Variants in TVP23A observed in about 807,000 individuals in gnomAD.
TVP23A encodes the protein trans-golgi network vesicle protein 23 homolog A.
Under a neutral mutation model 31.7 loss-of-function variants are expected in TVP23A, and 21 were observed. The observed-to-expected ratio is 0.66, with a 90% CI of 0.47 to 0.95. The LOEUF (loss-of-function observed/expected upper bound fraction) is 0.95, where lower values mean the gene tolerates loss of function less well. TVP23A is among the 40% of genes least tolerant of loss of function. The probability of loss-of-function intolerance (pLI) is 0.00; values close to 1 mark genes in which losing one functional copy is unlikely to be tolerated. For missense variants in TVP23A, 279 were observed against 255.6 expected, an observed-to-expected ratio of 1.09 and a Z score of -0.62; for synonymous variants, 104 against 96.0, an observed-to-expected ratio of 1.08 and a Z score of -0.49.
At chr16:10,772,686 A>G (rs920108871) in intron 5 of TVP23A, among the ~76,000 whole-genome samples, 2 of 152,168 alleles carry the variant, frequency 1.3e-5, no homozygotes, top group Non-Finnish European at 2.9e-5. Flanking sequence ...GTCCATTTAT[A>G]TGAAATGCCC....
Position 10,767,645 on chromosome 16 carries a change from A to G in TVP23A, c.*1457T>C. 2.4e-6 allele frequency: 1 copy of G among 425,100 alleles called. No homozygotes were observed. The highest frequency in any genetic ancestry group is 4.0e-5 in the Admixed American group (1 of 24,730). 26.3% of individuals were successfully genotyped at this position (425,100 alleles called of 1,614,324 possible). The stretch of plus-strand genomic sequence containing the variant: ...TTCATGATCCTTTCACTCAAAAGCT[A>G]ATCTCTTAAAATGCAGACTCCTGGG... On this transcript the variant is annotated 3_prime_UTR_variant, in exon 8 of 8. Transcript: ENST00000299866. The surrounding 1 kb of genome is among the most constrained non-coding windows in gnomAD (Gnocchi z 4.6).
chr16:10,791,691 T>G (rs1266762541), intron 2 of TVP23A, among the ~76,000 whole-genome samples: 1 of 152,178 alleles, frequency 6.6e-6, no homozygotes, highest in Non-Finnish European at 1.5e-5. Context: ...CACTGCAACC[T>G]CCGCCTCCTG....
At chr16:10,805,087 G>C (rs1192138555) in intron 2 of TVP23A, among the ~76,000 whole-genome samples, 1 of 151,988 alleles carries the variant, frequency 6.6e-6, no homozygotes, top group African/African-American at 2.4e-5. Context: ...GCCCAGGCTG[G>C]AGTGCAGTGG....
intron 2 of TVP23A, among the ~76,000 whole-genome samples, chr16:10,794,012 T>C (rs1309303658): frequency 6.6e-6 from 1 of 150,552 alleles, no homozygotes; most frequent in Non-Finnish European, 1.5e-5. Context: ...GGGTCCGGTC[T>C]CTGCTCCCAA....
chr16:10,781,087 G>C (rs987966784), intron 2 of TVP23A, among the ~76,000 whole-genome samples: 20 of 152,118 alleles, frequency 1.3e-4, no homozygotes, highest in African/African-American at 4.8e-4. Flanking sequence ...CCAGCACTTT[G>C]GGAGGCAGAG....
At chr16:10,789,408 A>G (rs1261888718) in intron 2 of TVP23A, among the ~76,000 whole-genome samples, 1 of 152,346 alleles carries the variant, frequency 6.6e-6, no homozygotes, top group East Asian at 1.9e-4. Context: ...TCTGAGCCAA[A>G]TATGAGTGAC....
intron 2 of TVP23A, among the ~76,000 whole-genome samples, chr16:10,812,197 A>G (rs1472706040): frequency 6.6e-6 from 1 of 152,230 alleles, no homozygotes; most frequent in Non-Finnish European, 1.5e-5. Flanking sequence ...AATCTACACC[A>G]CAACGAAATA....
downstream of TVP23A, among the ~76,000 whole-genome samples, chr16:10,764,761 G>C: frequency 6.7e-6 from 1 of 148,390 alleles, no homozygotes; most frequent in African/African-American, 2.5e-5. Flanking sequence ...GAGTATGTCA[G>C]TCTGTTGGAG....
chr16:10,774,012 G>A (rs1414400997), intron 4 of TVP23A, 27 bp downstream of exon 4: 4 of 1,572,938 alleles, frequency 2.5e-6, no homozygotes, highest in Non-Finnish European at 3.5e-6. Flanking sequence ...CCCCGCTCTG[G>A]TTAGTTCAGC....
intron 2 of TVP23A, among the ~76,000 whole-genome samples, chr16:10,798,946 G>A (rs1455718677): frequency 6.6e-6 from 1 of 152,226 alleles, no homozygotes; most frequent in Non-Finnish European, 1.5e-5. Flanking sequence ...ACAGGTGTGA[G>A]CCACCAAGCC....
At chr16:10,805,617 C>T (rs1253568846) in intron 2 of TVP23A, among the ~76,000 whole-genome samples, 1 of 150,612 alleles carries the variant, frequency 6.6e-6, no homozygotes, top group Non-Finnish European at 1.5e-5. Context: ...CTGGGCTCCA[C>T]GTGAAGAGGA....
chr16:10,757,514 T>C (rs529940852), downstream of TVP23A, among the ~76,000 whole-genome samples: 26 of 151,996 alleles, frequency 1.7e-4, no homozygotes, highest in Non-Finnish European at 2.9e-4. This position sits in a 1 kb window ranked among gnomAD's most constrained non-coding sequence, Gnocchi z 4.1. Context: ...CACCATAGGG[T>C]GTTAAACAGT....
At chr16:10,772,512 G>A (rs1474088360) in intron 5 of TVP23A, among the ~76,000 whole-genome samples, 1 of 152,090 alleles carries the variant, frequency 6.6e-6, no homozygotes, top group Non-Finnish European at 1.5e-5. Flanking sequence ...TGAGATTACA[G>A]GCGTGTGCCA....
intron 2 of TVP23A, among the ~76,000 whole-genome samples, chr16:10,780,784 A>G (rs939274384): frequency 6.6e-6 from 1 of 152,178 alleles, no homozygotes; most frequent in Non-Finnish European, 1.5e-5. Flanking sequence ...AACAGGTGAC[A>G]GCCATTACCA....
At chr16:10,792,763 C>G (rs551664807) in intron 2 of TVP23A, among the ~76,000 whole-genome samples, 1 of 152,214 alleles carries the variant, frequency 6.6e-6, no homozygotes, top group Non-Finnish European at 1.5e-5. Context: ...CCTTCTGAAA[C>G]GGGCTTCTTA....
intron 4 of TVP23A, 71 bp downstream of exon 4, chr16:10,773,968 A>G: frequency 2.4e-6 from 3 of 1,262,472 alleles, no homozygotes; most frequent in Non-Finnish European, 3.4e-6. Context: ...ACAAAACTCC[A>G]AAGGAACCCA....
At chr16:10,790,809 C>T (rs2033062592) in intron 2 of TVP23A, among the ~76,000 whole-genome samples, 1 of 152,164 alleles carries the variant, frequency 6.6e-6, no homozygotes, top group African/African-American at 2.4e-5. Flanking sequence ...ACTTCAATTT[C>T]TTTCAGGGCC....
At chr16:10,770,868 C>CAAAAAAAAAAAAAAAAAAAAA (rs376701429) in intron 6 of TVP23A, among the ~76,000 whole-genome samples, 3 of 66,460 alleles carry the variant, frequency 4.5e-5, no homozygotes, top group Non-Finnish European at 6.0e-5. Flanking sequence ...ACTCCCATCT[C>CAAAAAAAAAAAAAAAAAAAAA]AAAAAAAAAA....
chr16:10,775,575 G>C, intron 2 of TVP23A: 2 of 994,066 alleles, frequency 2.0e-6, no homozygotes, highest in Non-Finnish European at 1.2e-6. Flanking sequence ...TGTGACCTGT[G>C]AATGGCAGGT....
Sources: allele counts gnomAD v4.1 joint callset (sites outside exome capture counted in the v4.1 genomes callset), GRCh38; gene constraint gnomAD v4.1.1; non-coding constraint Gnocchi (gnomAD v3.1); transcripts MANE v1.5; gene names NCBI Gene and HGNC (gene_info 2026-07-23, HGNC 2026-07-21).